The following TDRD9 variants were observed in gnomAD, a reference collection of about 807,000 sequenced individuals.
TDRD9 encodes the protein ATP-dependent RNA helicase TDRD9.
A neutral mutation model predicts 172.6 loss-of-function variants in TDRD9; 124 were observed. The ratio of observed to expected loss-of-function variants is 0.72; its 90% CI spans 0.62 to 0.83. The LOEUF is 0.83. Ranked by LOEUF, TDRD9 falls within the 40% of genes least tolerant of loss-of-function variation. TDRD9 has a pLI of 0.00. For synonymous variants in TDRD9, 619 were observed against 617.1 expected (o/e 1.00, Z -0.05); for missense variants, 1,479 against 1,714.1 (o/e 0.86, Z 2.42).
At chr14:103,957,911 T>A (rs2032323854) in intron 2 of TDRD9, among the ~76,000 whole-genome samples, 1 of 152,172 alleles carries the variant, frequency 6.6e-6, no homozygotes, top group Non-Finnish European at 1.5e-5. Flanking sequence ...AGTTCATATG[T>A]GAAACTCTCT....
chr14:103,994,775 C>T (rs542379657), intron 11 of TDRD9, among the ~76,000 whole-genome samples, 172 bp downstream of exon 11: 4 of 151,948 alleles, frequency 2.6e-5, no homozygotes, highest in East Asian at 1.9e-4. Context: ...AGCCTCATGG[C>T]GAAACCCCAT....
chr14:104,015,311 G>T (rs2034754465), intron 21 of TDRD9, among the ~76,000 whole-genome samples: 1 of 152,162 alleles, frequency 6.6e-6, no homozygotes, highest in Admixed American at 6.5e-5. Context: ...AGTGTGTCCT[G>T]GCCAGTGGAG....
At chr14:104,041,713 G>C (rs949555164) in intron 33 of TDRD9, among the ~76,000 whole-genome samples, 1 of 152,198 alleles carries the variant, frequency 6.6e-6, no homozygotes, top group Non-Finnish European at 1.5e-5. Context: ...GGTGCAGGGG[G>C]ACCGGGGACC....
Position 103,965,336 on chromosome 14 carries a change from G to A in TDRD9, c.424G>A (p.Val142Met). ...AAAGAATTTTTTAAATTTCTAGGTT[G>A]TGTCTTTGATAGAAAGTAATTCCGT... ...LPISRYKEEV[V>M]SLIESNSVVI... The change falls in exon 4 of 36, where the codon GTG becomes ATG. Residue 142 changes from valine to methionine, a missense_variant. This residue lies in a region of TDRD9 where 1,413 missense variants were observed against 1,649.1 expected (regional missense o/e 0.86). Transcript: ENST00000409874. The A allele has an allele frequency of 1.0e-5, 16 of 1,551,612 alleles. No individual in the cohort carries two copies. Among genetic ancestry groups the A allele is most frequent in the Non-Finnish European group, 1.4e-5 (16 of 1,146,898 alleles).
At chr14:104,025,883 G>A in intron 26 of TDRD9, 107 bp downstream of exon 26, 1 of 1,081,710 alleles carries the variant, frequency 9.2e-7, no homozygotes, top group South Asian at 1.5e-5. Context: ...AATAATTGCA[G>A]TTAGCAAAGT....
At chr14:104,046,636 T>C (rs868215094) in intron 34 of TDRD9, among the ~76,000 whole-genome samples, 3 of 147,186 alleles carry the variant, frequency 2.0e-5, no homozygotes, top group Admixed American at 6.9e-5. Flanking sequence ...GTCCTCCTGT[T>C]TTATTCTTTT....
chr14:104,018,311 C>A (rs2152235188), intron 23 of TDRD9, 119 bp downstream of exon 23: 2 of 601,488 alleles, frequency 3.3e-6, no homozygotes, highest in South Asian at 2.3e-5. Context: ...TGGGCTGCTG[C>A]AATTGGCTTT....
At chr14:104,050,475 A>G (rs1481510745) in intron 35 of TDRD9, among the ~76,000 whole-genome samples, 2 of 152,202 alleles carry the variant, frequency 1.3e-5, no homozygotes, top group African/African-American at 4.8e-5. Flanking sequence ...TTTCAGAGAA[A>G]GGAGCCCAAA....
chr14:104,033,726 C>T (rs918858729), intron 30 of TDRD9, among the ~76,000 whole-genome samples: 3 of 152,050 alleles, frequency 2.0e-5, no homozygotes, highest in African/African-American at 7.2e-5. Flanking sequence ...TGGTCGGGAT[C>T]ATGCACGAGG....
At chr14:104,032,626 A>G (rs1215244732) in intron 30 of TDRD9, among the ~76,000 whole-genome samples, 5 of 152,238 alleles carry the variant, frequency 3.3e-5, no homozygotes, top group African/African-American at 1.2e-4. Flanking sequence ...ATCAAAGACT[A>G]CATTTTTTTC....
chr14:104,014,679 G>A (rs7150795), intron 20 of TDRD9, 46 bp from the exon 21 acceptor site: 1,089,924 of 1,121,950 alleles, frequency 0.97, 532,406 homozygotes, highest in Non-Finnish European at 1. Flanking sequence ...CTGCTCTGAT[G>A]ACATATGTAC....
chr14:103,975,518 T>C lies in TDRD9; in HGVS notation c.976T>C (p.Tyr326His), dbSNP rs1001273244. 1 of 1,612,210 alleles carries C rather than the reference T, an allele frequency of 6.2e-7. No individual in the cohort carries two copies. Among genetic ancestry groups the C allele is most frequent in the Non-Finnish European group, 8.5e-7 (1 of 1,179,022 alleles). Reference sequence around the variant, plus strand: ...CAAGCCCCATTCAGTTGAAGAGTATTATCTTAATGATTTGGAGCACATTCA... The same window carrying C: ...CAAGCCCCATTCAGTTGAAGAGTATCATCTTAATGATTTGGAGCACATTCA... ...EGKPHSVEEY[Y>H]LNDLEHIHHS... The change falls in exon 7 of 36, where the codon TAT becomes CAT. Residue 326 changes from tyrosine (Y) to histidine (H), a missense_variant. Tyr to His is a moderately conservative substitution (Grantham distance 83, BLOSUM62 2). Coordinates refer to ENST00000409874, the MANE Select transcript of TDRD9 (RefSeq NM_153046.3).
intron 34 of TDRD9, 104 bp downstream of exon 34, chr14:104,042,291 A>G (rs1261085900): frequency 5.1e-6 from 4 of 781,874 alleles, no homozygotes; most frequent in Non-Finnish European, 8.6e-6. Context: ...CATATTGATC[A>G]CCTGAAGTGG....
intron 1 of TDRD9, among the ~76,000 whole-genome samples, chr14:103,934,280 TG>T (rs1265968394): frequency 6.6e-6 from 1 of 152,214 alleles, no homozygotes; most frequent in Non-Finnish European, 1.5e-5. Context: ...CCCAAAATGC[TG>T]GGATTATAGG....
intron 8 of TDRD9, 78 bp from the exon 9 acceptor site, chr14:103,991,082 C>T (rs574670983): frequency 6.5e-7 from 1 of 1,546,136 alleles, no homozygotes; most frequent in South Asian, 1.1e-5. Context: ...GATTAAAAGC[C>T]TGTAATATTA....
intron 5 of TDRD9, among the ~76,000 whole-genome samples, chr14:103,970,245 C>T (rs951282027): frequency 1.3e-5 from 2 of 152,074 alleles, no homozygotes; most frequent in African/African-American, 2.4e-5. Context: ...GTCACAGTGA[C>T]CTTGGGCACA....
At chr14:103,955,850 C>T in intron 2 of TDRD9, 80 bp downstream of exon 2, 4 of 1,205,202 alleles carry the variant, frequency 3.3e-6, no homozygotes, top group Non-Finnish European at 4.7e-6. Flanking sequence ...TAGTGCATGC[C>T]TGTAATTCCA....
rs1374463471 is a variant in TDRD9, at chr14:103,938,433, TA to T, written c.215+9710del. On this transcript the variant is annotated intron_variant, in intron 1 of 35. Transcript: ENST00000409874. ...GTGTGTGTATATATATATATATATATATATATATTTTTTTTTTTTTTTTGAG... is the reference window on the plus strand; with the variant it reads ...GTGTGTGTATATATATATATATATATTATATATTTTTTTTTTTTTTTTGAG... Among the ~76,000 whole-genome samples the T allele has an allele frequency of 5.2e-3, 319 of 61,422 alleles. 16 individuals are homozygous for T. The highest frequency in any genetic ancestry group is 0.012 in the African/African-American group (185 of 15,744). 40.3% of individuals were successfully genotyped at this position (61,422 alleles called of 152,430 possible). A position where few individuals can be genotyped will look rare whatever the true frequency, so the allele number is the denominator to read the frequency against.
At chr14:103,976,270 CTTTTTTTTCTTT>C (rs1395326285) in intron 7 of TDRD9, among the ~76,000 whole-genome samples, 1 of 150,704 alleles carries the variant, frequency 6.6e-6, no homozygotes. Flanking sequence ...CCATTCATCT[CTTTTTTTTCTTT>C]TTTTTTTTCG....
Sources: gnomAD v4.1 joint callset for allele counts (sites outside exome capture counted in the v4.1 genomes callset) on GRCh38, gnomAD v4.1.1 for gene constraint, gnomAD v4.1.1 regional missense constraint, MANE v1.5 for transcripts, NCBI Gene and HGNC (gene_info 2026-07-23, HGNC 2026-07-21) for gene names.